SEMA4D: variants seen among roughly 807,000 people sequenced by gnomAD.
SEMA4D encodes semaphorin 4D.
SEMA4D carries 22 observed loss-of-function variants against 74.8 expected under a neutral mutation model. That is an observed-to-expected ratio of 0.29 (90% CI 0.21 to 0.42). SEMA4D has a LOEUF of 0.42. Among genes scored for constraint, SEMA4D ranks in the 10% least tolerant of loss-of-function variants. The probability of loss-of-function intolerance (pLI) is 1.00; values close to 1 mark genes in which losing one functional copy is unlikely to be tolerated. For missense variants in SEMA4D, 937 were observed against 1,118.4 expected (o/e 0.84, Z 2.31); for synonymous variants, 445 against 463.7 (o/e 0.96, Z 0.52).
Position 89,461,700 on chromosome 9 carries a change from C to CTCTCTCTTTTTTTTTTTTTTTTTTTTTTT in SEMA4D, c.-309-5748_-309-5747insAAAAAAAAAAAAAAAAAAAAAAAGAGAGA, listed in dbSNP as rs71281350. Among the ~76,000 whole-genome samples, 7 of 103,662 alleles carry CTCTCTCTTTTTTTTTTTTTTTTTTTTTTT rather than the reference C, an allele frequency of 6.8e-5. 1 individual carries two copies. In the East Asian group the frequency reaches 2.2e-3, roughly 33 times the overall value. The allele number at this position is 103,662 out of a possible 152,430, so 68.0% of individuals were successfully genotyped here. Reference sequence around the variant, plus strand: ...GGGCCAATGTGTATTTCTTTTTTCTCTTTTTTTTTTTTTTTTTTTGGAGAC... The same window carrying CTCTCTCTTTTTTTTTTTTTTTTTTTTTTT: ...GGGCCAATGTGTATTTCTTTTTTCTCTCTCTCTTTTTTTTTTTTTTTTTTTTTTTTTTTTTTTTTTTTTTTTTTGGAGAC... On this transcript the variant is annotated intron_variant, in intron 1 of 15. Transcript: ENST00000422704.
chr9:89,390,484 G>C (rs1025673846), intron 9 of SEMA4D, among the ~76,000 whole-genome samples: 4 of 152,208 alleles, frequency 2.6e-5, no homozygotes, highest in African/African-American at 9.7e-5. Flanking sequence ...TCTTCCTTAT[G>C]CAAGGGGCTG....
At chr9:89,453,851 A>G (rs991754044) in intron 2 of SEMA4D, among the ~76,000 whole-genome samples, 3 of 142,166 alleles carry the variant, frequency 2.1e-5, no homozygotes, top group Non-Finnish European at 4.5e-5. Flanking sequence ...GTTGTAGAAT[A>G]TATGTCTTTT....
chr9:89,454,423 C>G lies in SEMA4D; in HGVS notation c.-244+1465G>C, dbSNP rs572403578. The stretch of plus-strand genomic sequence containing the variant: ...TGTGGCTGACATGGTCAGCCCCCCC[C>G]AGATTTTCACTCCCTCCTCTATTTC... On this transcript the variant is annotated intron_variant, in intron 2 of 15. Coordinates refer to ENST00000422704, the MANE Select transcript of SEMA4D (RefSeq NM_001371194.2). Among the ~76,000 whole-genome samples the G allele has an allele frequency of 9.8e-5, 15 of 152,300 alleles. No homozygotes were observed. In the East Asian group the frequency reaches 1.7e-3, roughly 18 times the overall value.
intron 16 of SEMA4D, among the ~76,000 whole-genome samples, chr9:89,369,735 G>A (rs547107403): frequency 5.3e-5 from 8 of 152,366 alleles, no homozygotes; most frequent in African/African-American, 1.9e-4. Context: ...AGCAGAGCTC[G>A]GCTGCATGCT....
At chr9:89,436,611 T>TA (rs1256390659) in intron 2 of SEMA4D, 2 of 152,398 alleles carry the variant, frequency 1.3e-5, no homozygotes, top group Non-Finnish European at 2.9e-5. Flanking sequence ...CTCTTCCTTT[T>TA]AAACAGCGGG....
chr9:89,419,750 C>CAA (rs36110254), intron 2 of SEMA4D, among the ~76,000 whole-genome samples: 61 of 150,750 alleles, frequency 4.0e-4, no homozygotes, highest in East Asian at 9.8e-4. Flanking sequence ...CCGTCTCTAT[C>CAA]AAAAAAAAAT....
intron 2 of SEMA4D, among the ~76,000 whole-genome samples, chr9:89,410,555 T>C (rs1215580007): frequency 6.6e-6 from 1 of 151,916 alleles, no homozygotes; most frequent in African/African-American, 2.4e-5. Context: ...TCCTAGAAGT[T>C]ACACACGTAG....
At chr9:89,420,576 CAGA>C (rs1846713416) in intron 2 of SEMA4D, among the ~76,000 whole-genome samples, 1 of 152,232 alleles carries the variant, frequency 6.6e-6, no homozygotes, top group South Asian at 2.1e-4. Context: ...TCGCTGATGG[CAGA>C]AGGACAGAGC....
intron 2 of SEMA4D, among the ~76,000 whole-genome samples, chr9:89,444,624 C>T (rs1387193070): frequency 6.6e-6 from 1 of 151,878 alleles, no homozygotes; most frequent in Non-Finnish European, 1.5e-5. Context: ...CCCTCCCCCA[C>T]CCCAAGCATA....
intron 16 of SEMA4D, among the ~76,000 whole-genome samples, chr9:89,369,778 T>A (rs753605492): frequency 4.2e-4 from 64 of 152,302 alleles, no homozygotes; most frequent in Non-Finnish European, 8.2e-4. Context: ...ACGGCTTTCC[T>A]CCCCTTGTCA....
intron 16 of SEMA4D, among the ~76,000 whole-genome samples, chr9:89,370,770 G>A (rs1248286735): frequency 6.9e-6 from 1 of 145,896 alleles, no homozygotes; most frequent in Admixed American, 6.8e-5. Context: ...GGGGTGTGAT[G>A]TGTGTGTGGG....
At chr9:89,432,661 A>G (rs1849529890) in intron 2 of SEMA4D, among the ~76,000 whole-genome samples, 2 of 152,342 alleles carry the variant, frequency 1.3e-5, no homozygotes, top group South Asian at 4.1e-4. Flanking sequence ...ACAACCTCCC[A>G]ACCGCCTCAC....
intron 6 of SEMA4D, among the ~76,000 whole-genome samples, chr9:89,394,662 G>A (rs867247032): frequency 6.6e-6 from 1 of 152,250 alleles, no homozygotes; most frequent in Non-Finnish European, 1.5e-5. Context: ...GCTCTCGGAA[G>A]CAGAGCAGGA....
intron 2 of SEMA4D, among the ~76,000 whole-genome samples, chr9:89,447,629 C>T (rs571975848): frequency 6.6e-6 from 1 of 152,318 alleles, no homozygotes; most frequent in African/African-American, 2.4e-5. Flanking sequence ...GCACCGCTCT[C>T]CCAGACCACC....
rs1837046628 is a variant in SEMA4D, at chr9:89,381,471, A to T, written c.1447-125T>A. The T allele has an allele frequency of 1.1e-6, 1 of 939,106 alleles. No individual in the cohort carries two copies. 58.2% of individuals were successfully genotyped at this position (939,106 alleles called of 1,614,324 possible). ...ACCTTCAGGGGACATTGCAGTAAGG[A>T]GGAGAGGTACTCAGAACCAGAGGCA... is the stretch of plus-strand genomic sequence containing the variant. On this transcript the variant is annotated intron_variant, in intron 13 of 15. Transcript: ENST00000422704. This position sits in a 1 kb window ranked among gnomAD's most constrained non-coding sequence, Gnocchi z 4.6.
At chr9:89,430,029 C>G (rs1848922721) in intron 2 of SEMA4D, among the ~76,000 whole-genome samples, 1 of 151,812 alleles carries the variant, frequency 6.6e-6, no homozygotes, top group African/African-American at 2.4e-5. Flanking sequence ...TTAACCCTGA[C>G]GGGCAGCTCT....
chr9:89,488,732 C>T (rs1490692560), intron 1 of SEMA4D, among the ~76,000 whole-genome samples: 1 of 152,180 alleles, frequency 6.6e-6, no homozygotes, highest in Non-Finnish European at 1.5e-5. Context: ...GAAGAAAACA[C>T]AGATAATCTT....
At chr9:89,402,760 G>C (rs1236859524) in intron 4 of SEMA4D, 111 bp downstream of exon 4, 1 of 1,205,110 alleles carries the variant, frequency 8.3e-7, no homozygotes, top group African/African-American at 1.5e-5. Context: ...CATGGTCACA[G>C]CTACAGAATG....
chr9:89,420,309 T>C (rs1180006946), intron 2 of SEMA4D, among the ~76,000 whole-genome samples: 1 of 152,220 alleles, frequency 6.6e-6, no homozygotes, highest in Non-Finnish European at 1.5e-5. Flanking sequence ...CCCACAGTTA[T>C]GAGTTACCTG....
Sources: allele counts gnomAD v4.1 joint callset (sites outside exome capture counted in the v4.1 genomes callset), GRCh38; gene constraint gnomAD v4.1.1; non-coding constraint Gnocchi (gnomAD v3.1); transcripts MANE v1.5; gene names NCBI Gene and HGNC (gene_info 2026-07-23, HGNC 2026-07-21).